ZRANB3: variants seen among roughly 807,000 people sequenced by gnomAD.
ZRANB3 encodes the protein zinc finger RANBP2-type containing 3, also known as DNA annealing helicase and endonuclease ZRANB3.
In ZRANB3, 125 loss-of-function variants were observed where a neutral mutation model predicts 133.8. The observed-to-expected ratio is 0.93, with a 90% CI of 0.81 to 1.08. The LOEUF (loss-of-function observed/expected upper bound fraction) is 1.08. Ranked by LOEUF, ZRANB3 falls within the 50% of genes least tolerant of loss-of-function variation. ZRANB3 has a pLI of 0.00. For missense variants in ZRANB3, 1,229 were observed against 1,275.5 expected, an observed-to-expected ratio of 0.96 and a Z score of 0.56; for synonymous variants, 387 against 432.7, an observed-to-expected ratio of 0.89 and a Z score of 1.31.
chr2:135,273,296 T>G (rs892956993), intron 9 of ZRANB3, among the ~76,000 whole-genome samples: 1 of 152,084 alleles, frequency 6.6e-6, no homozygotes, highest in Admixed American at 6.5e-5. Flanking sequence ...ATAGAAAATA[T>G]AGCCTTAAAT....
chr2:135,280,261 A>C (rs570165199), intron 8 of ZRANB3, among the ~76,000 whole-genome samples: 69 of 152,306 alleles, frequency 4.5e-4, no homozygotes, highest in Non-Finnish European at 8.5e-4. Context: ...AAGACTATAC[A>C]TTATATCTTA....
intron 12 of ZRANB3, among the ~76,000 whole-genome samples, chr2:135,261,623 TG>T (rs2105107586): frequency 6.6e-6 from 1 of 152,310 alleles, no homozygotes; most frequent in Non-Finnish European, 1.5e-5. Context: ...TTTTTAAAAT[TG>T]TGTATACAAA....
At chr2:135,236,043 C>T (rs1034225685) in intron 12 of ZRANB3, among the ~76,000 whole-genome samples, 2 of 152,142 alleles carry the variant, frequency 1.3e-5, no homozygotes, top group African/African-American at 4.8e-5. Flanking sequence ...AAAACCCCAT[C>T]GTCTCAGCCC....
chr2:135,471,608 A>T (rs1691274354), intron 2 of ZRANB3, among the ~76,000 whole-genome samples: 1 of 152,190 alleles, frequency 6.6e-6, no homozygotes, highest in Non-Finnish European at 1.5e-5. Flanking sequence ...TATGTAAAGA[A>T]AGGTAATTAG....
rs1178585109 is a variant in ZRANB3 at position 135,269,040 on chromosome 2, C to G, written c.1308G>C (p.Gln436His). Residue 436 changes from glutamine to histidine, a missense_variant, in exon 11 of 21, where the codon CAG becomes CAC. Coordinates refer to ENST00000264159, the MANE Select transcript of ZRANB3 (RefSeq NM_032143.4). ...QAEDRAHRIG[Q>H]CSSVNIHYLI... The stretch of plus-strand genomic sequence containing the variant: ...GGTAGTGAATATTCACAGAACTGCA[C>G]TGGCCAATTCTGTGAGCTCGGTCTT... 1.2e-6 allele frequency: 2 copies of G among 1,613,114 alleles called. No homozygotes were observed. Among genetic ancestry groups the G allele is most frequent in the Admixed American group, 1.7e-5 (1 of 59,896 alleles).
intron 3 of ZRANB3, among the ~76,000 whole-genome samples, chr2:135,379,497 C>G (rs974699997): frequency 2.6e-5 from 4 of 152,148 alleles, no homozygotes; most frequent in African/African-American, 9.7e-5. Flanking sequence ...CAGGTCCCGG[C>G]ATCTTCTAGT....
At chr2:135,456,551 G>C (rs1023807286) in intron 2 of ZRANB3, among the ~76,000 whole-genome samples, 18 of 152,154 alleles carry the variant, frequency 1.2e-4, no homozygotes, top group African/African-American at 4.1e-4. Flanking sequence ...GAGAAGAGAT[G>C]GGAGGTGCTT....
intron 17 of ZRANB3, among the ~76,000 whole-genome samples, chr2:135,209,506 A>G (rs2105041565): frequency 6.6e-6 from 1 of 152,300 alleles, no homozygotes; most frequent in East Asian, 1.9e-4. Flanking sequence ...TGTTCCCCTT[A>G]TTATCAGCCC....
chr2:135,276,006 C>A (rs1029507759), intron 8 of ZRANB3, among the ~76,000 whole-genome samples: 1 of 151,980 alleles, frequency 6.6e-6, no homozygotes, highest in Non-Finnish European at 1.5e-5. Context: ...AAAAACAACA[C>A]AACAATGGGT....
chr2:135,402,296 T>C (rs986222208), intron 2 of ZRANB3, among the ~76,000 whole-genome samples: 2 of 83,022 alleles, frequency 2.4e-5, no homozygotes, highest in East Asian at 6.8e-4. Flanking sequence ...TCTTTCTCTC[T>C]TTTTTTTTTT....
intron 2 of ZRANB3, among the ~76,000 whole-genome samples, chr2:135,414,612 C>T (rs1688466366): frequency 6.6e-6 from 1 of 152,178 alleles, no homozygotes; most frequent in Non-Finnish European, 1.5e-5. Flanking sequence ...ACCTAATAGA[C>T]AGCTACAGAA....
At chr2:135,510,094 T>A (rs756544395) in intron 1 of ZRANB3, among the ~76,000 whole-genome samples, 6 of 152,164 alleles carry the variant, frequency 3.9e-5, no homozygotes, top group African/African-American at 9.7e-5. Flanking sequence ...CAATTTGGGG[T>A]TTTCCTGCCT....
At chr2:135,247,702 C>T (rs1695862177) in intron 12 of ZRANB3, among the ~76,000 whole-genome samples, 1 of 152,114 alleles carries the variant, frequency 6.6e-6, no homozygotes, top group African/African-American at 2.4e-5. Flanking sequence ...AACTCACTTC[C>T]ATGGCACCTC....
At position 135,268,823 on chromosome 2, in the gene ZRANB3, A is replaced by C. The variant is rs988782646; in HGVS notation, c.1386+139T>G. On this transcript the variant is annotated intron_variant, in intron 11 of 20. Transcript: ENST00000264159. Reference sequence around the variant, plus strand: ...GTACTACTACTGAAGCCTTTTCTTAACTTGGTCTCTATTATCATCATTATC... The same window carrying C: ...GTACTACTACTGAAGCCTTTTCTTACCTTGGTCTCTATTATCATCATTATC... 3.7e-5 allele frequency: 28 copies of C among 758,682 alleles called. No homozygotes were observed. In the African/African-American group the frequency reaches 4.6e-4, roughly 13 times the overall value. The allele number at this position is 758,682 out of a possible 1,614,324, so 47.0% of individuals were successfully genotyped here. A position where few individuals can be genotyped will look rare whatever the true frequency, so the allele number is the denominator to read the frequency against.
intron 1 of ZRANB3, among the ~76,000 whole-genome samples, chr2:135,521,598 T>G (rs1209669026): frequency 6.6e-6 from 1 of 152,096 alleles, no homozygotes; most frequent in Non-Finnish European, 1.5e-5. Flanking sequence ...GGGTAAACAA[T>G]GATGAATTTG....
chr2:135,236,700 A>G (rs1241793286), intron 12 of ZRANB3, among the ~76,000 whole-genome samples: 1 of 152,176 alleles, frequency 6.6e-6, no homozygotes, highest in East Asian at 1.9e-4. Flanking sequence ...AGGATTCCCT[A>G]TTTAATAAAT....
intron 2 of ZRANB3, among the ~76,000 whole-genome samples, chr2:135,466,255 T>C (rs920254073): frequency 2.0e-5 from 3 of 151,744 alleles, no homozygotes; most frequent in Admixed American, 1.3e-4. Context: ...TGGTGGTGCA[T>C]GCCTGTAGTC....
At chr2:135,457,654 C>G (rs547741746) in intron 2 of ZRANB3, among the ~76,000 whole-genome samples, 2 of 152,162 alleles carry the variant, frequency 1.3e-5, no homozygotes, top group African/African-American at 4.8e-5. Flanking sequence ...ATCCTTGATA[C>G]AAGTCCCTTA....
At chr2:135,394,799 G>T (rs1370493260) in intron 2 of ZRANB3, among the ~76,000 whole-genome samples, 1 of 151,856 alleles carries the variant, frequency 6.6e-6, no homozygotes, top group African/African-American at 2.4e-5. Context: ...CAGCAAAAGA[G>T]AATGAGAAGG....
Sources: gnomAD v4.1 joint callset for allele counts (sites outside exome capture counted in the v4.1 genomes callset) on GRCh38, gnomAD v4.1.1 for gene constraint, MANE v1.5 for transcripts, NCBI Gene and HGNC (gene_info 2026-07-23, HGNC 2026-07-21) for gene names.